The following NFIC variants were observed in gnomAD, a reference collection of about 807,000 sequenced individuals.
The protein encoded by NFIC is nuclear factor 1 C-type.
In NFIC, 12 loss-of-function variants were observed where a neutral mutation model predicts 54.4. That is an observed-to-expected ratio of 0.22 (90% confidence interval 0.14 to 0.36). NFIC has a LOEUF of 0.36. NFIC is among the 10% of genes least tolerant of loss of function. The pLI is 1.00. For missense variants in NFIC, 575 were observed against 718.2 expected, an observed-to-expected ratio of 0.80 and a Z score of 2.28; for synonymous variants, 322 against 319.2, an observed-to-expected ratio of 1.01 and a Z score of -0.09.
rs1005811721 is a variant in NFIC, at chr19:3,375,495, G to C, written c.31-6217G>C. On this transcript the variant is annotated intron_variant, in intron 1 of 10. Coordinates refer to ENST00000443272, the MANE Select transcript of NFIC (RefSeq NM_001245002.2). The surrounding 1 kb of genome is among the most constrained non-coding windows in gnomAD (Gnocchi z 4.6). ...CTGGGTCTCATCCAGTCAGGGGCAG[G>C]GACGAGATTGGACAGGGCCTGGGCC... 1.2e-4 allele frequency among the ~76,000 whole-genome samples: 19 copies of C among 152,220 alleles called. No individual in the cohort carries two copies. Among genetic ancestry groups the C allele is most frequent in the African/African-American group, 4.3e-4 (18 of 41,460 alleles).
intron 2 of NFIC, among the ~76,000 whole-genome samples, chr19:3,390,017 A>G (rs1280406445): frequency 1.3e-5 from 2 of 152,148 alleles, no homozygotes; most frequent in Non-Finnish European, 2.9e-5. Flanking sequence ...AAGAATGCTC[A>G]TTTCCTCCCT....
rs1309733384 is a variant in NFIC, at chr19:3,463,170, G to C, written c.*401G>C. On this transcript the variant is annotated 3_prime_UTR_variant, in exon 11 of 11. Transcript: ENST00000443272. ...GGACAGACGCCGGCCGCCCGCCCGC[G>C]CCCCGGAGGCCCTGGCTCTGTCCGG... 1 of 1,072,288 alleles carries C rather than the reference G, an allele frequency of 9.3e-7. No individual in the cohort carries two copies. Among genetic ancestry groups the C allele is most frequent in the African/African-American group, 1.7e-5 (1 of 58,364 alleles). The allele number at this position is 1,072,288 out of a possible 1,614,324, so 66.4% of individuals were successfully genotyped here.
chr19:3,390,356 G>A (rs560374954), intron 2 of NFIC, among the ~76,000 whole-genome samples: 5 of 152,326 alleles, frequency 3.3e-5, no homozygotes, highest in East Asian at 1.9e-4. Context: ...CGGGGCATAC[G>A]TCAGTGGTAA....
chr19:3,381,165 A>AGGCG (rs2081200060), intron 1 of NFIC, among the ~76,000 whole-genome samples: 1 of 152,060 alleles, frequency 6.6e-6, no homozygotes, highest in Admixed American at 6.6e-5. Flanking sequence ...CCGAGAGCCG[A>AGGCG]GGCGGGCGGA....
intron 2 of NFIC, among the ~76,000 whole-genome samples, chr19:3,421,904 A>G (rs1023125844): frequency 6.6e-6 from 1 of 152,026 alleles, no homozygotes; most frequent in Admixed American, 6.6e-5. Flanking sequence ...AGCTGGGACT[A>G]CAGGTGCCTG....
chr19:3,417,843 T>TTAG (rs2081890438), intron 2 of NFIC, among the ~76,000 whole-genome samples: 1 of 149,932 alleles, frequency 6.7e-6, no homozygotes, highest in Non-Finnish European at 1.5e-5. Flanking sequence ...TTTCACCATG[T>TTAG]TAGCCAGGAT....
chr19:3,371,986 TCCCTCTCTCTCC>T (rs2081025467), intron 1 of NFIC, among the ~76,000 whole-genome samples: 36 of 70,702 alleles, frequency 5.1e-4, no homozygotes, highest in South Asian at 3.1e-3. Flanking sequence ...TCTCTCTCTC[TCCCTCTCTCTCC>T]CTCTCTCTCT....
chr19:3,377,199 T>G (rs1378040555), intron 1 of NFIC, among the ~76,000 whole-genome samples: 2 of 151,222 alleles, frequency 1.3e-5, no homozygotes, highest in Non-Finnish European at 3.0e-5. Context: ...TTGGGCATGG[T>G]GGCGGGTGCC....
Position 3,459,104 on chromosome 19 carries a change from C to T in NFIC, c.1509+2469C>T, listed in dbSNP as rs1020760298. 1.3e-5 allele frequency among the ~76,000 whole-genome samples: 2 copies of T among 152,152 alleles called. No homozygotes were observed. The highest frequency in any genetic ancestry group is 2.9e-5 in the Non-Finnish European group (2 of 68,006). ...CCTGAGCTTGGAGGCCTCTCATTTC[C>T]GATTCTGGCCAGTCAGCACTTCTGC... On this transcript the variant is annotated intron_variant, in intron 10 of 10. Coordinates refer to ENST00000443272, the MANE Select transcript of NFIC (RefSeq NM_001245002.2). The surrounding 1 kb of genome is among the most constrained non-coding windows in gnomAD (Gnocchi z 4.2).
chr19:3,432,623 G>A (rs950071948), intron 3 of NFIC, among the ~76,000 whole-genome samples: 1 of 151,912 alleles, frequency 6.6e-6, no homozygotes, highest in African/African-American at 2.4e-5. Context: ...ATCACACACC[G>A]AGGCAGGTGA....
chr19:3,428,171 CAAA>C (rs71164700), intron 3 of NFIC, among the ~76,000 whole-genome samples: 3 of 122,140 alleles, frequency 2.5e-5, no homozygotes, highest in Non-Finnish European at 1.7e-5. Flanking sequence ...AACTCCGTCT[CAAA>C]AAAAAAAAAA....
intron 2 of NFIC, among the ~76,000 whole-genome samples, chr19:3,402,878 G>A (rs535761739): frequency 6.6e-6 from 1 of 152,292 alleles, no homozygotes; most frequent in Admixed American, 6.5e-5. Flanking sequence ...GAGTGAGTGA[G>A]GGGGAGAGAG....
chr19:3,435,230 AGCCGGCCTTC>A, intron 6 of NFIC, 23 bp downstream of exon 6: 3 of 1,551,284 alleles, frequency 1.9e-6, no homozygotes, highest in Non-Finnish European at 2.6e-6. Context: ...GCGGGGGCGG[AGCCGGCCTTC>A]CGGTCTGAGT....
intron 10 of NFIC, among the ~76,000 whole-genome samples, chr19:3,461,543 C>T (rs990472747): frequency 8.7e-5 from 13 of 149,386 alleles, no homozygotes; most frequent in Non-Finnish European, 1.8e-4. Context: ...GCCAACATGG[C>T]GAAACCCGGT....
At chr19:3,445,610 G>A (rs1359980940) in intron 6 of NFIC, among the ~76,000 whole-genome samples, 1 of 152,216 alleles carries the variant, frequency 6.6e-6, no homozygotes, top group Non-Finnish European at 1.5e-5. Flanking sequence ...GGTGTGTGCA[G>A]GGCCATGGGG....
intron 1 of NFIC, among the ~76,000 whole-genome samples, chr19:3,361,193 G>C (rs1236707820): frequency 2.0e-4 from 30 of 152,322 alleles, no homozygotes; most frequent in Non-Finnish European, 1.5e-5. Context: ...TCGGCACGCA[G>C]ACGTCGCTCG....
chr19:3,376,792 G>A lies in NFIC; in HGVS notation c.31-4920G>A, dbSNP rs542843068. Among the ~76,000 whole-genome samples, 78 of 152,104 alleles carry A rather than the reference G, an allele frequency of 5.1e-4. No individual in the cohort carries two copies. The East Asian group carries it at 0.012, about 24-fold the overall frequency. On this transcript the variant is annotated intron_variant, in intron 1 of 10. Transcript: ENST00000443272. Reference sequence around the variant, plus strand: ...TGCCCAGGCTGGAGTGCAATGGCGCGACCTTGGCTCACTGCAACCTCTGCC... The same window carrying A: ...TGCCCAGGCTGGAGTGCAATGGCGCAACCTTGGCTCACTGCAACCTCTGCC...
At chr19:3,398,317 G>T (rs893429339) in intron 2 of NFIC, among the ~76,000 whole-genome samples, 1 of 152,122 alleles carries the variant, frequency 6.6e-6, no homozygotes, top group Non-Finnish European at 1.5e-5. Flanking sequence ...CTCCACTGGC[G>T]CACTTATTGA....
Position 3,452,391 on chromosome 19 carries a change from A to G in NFIC, c.1085-91A>G. 1 of 1,501,682 alleles carries G rather than the reference A, an allele frequency of 6.7e-7. No homozygotes were observed. Among genetic ancestry groups the G allele is most frequent in the South Asian group, 1.2e-5 (1 of 85,310 alleles). The allele number at this position is 1,501,682 out of a possible 1,614,324, so 93.0% of individuals were successfully genotyped here. ...TTACTAAACGCACTGAGATGCCGGCAGGAATGACACCCACAGACACACAGT... is the reference window on the plus strand; with the variant it reads ...TTACTAAACGCACTGAGATGCCGGCGGGAATGACACCCACAGACACACAGT... On this transcript the variant is annotated intron_variant, in intron 7 of 10. Coordinates refer to ENST00000443272, the MANE Select transcript of NFIC (RefSeq NM_001245002.2). The surrounding 1 kb of genome is among the most constrained non-coding windows in gnomAD (Gnocchi z 5.3).
Sources: allele counts gnomAD v4.1 joint callset (sites outside exome capture counted in the v4.1 genomes callset), GRCh38; gene constraint gnomAD v4.1.1; non-coding constraint Gnocchi (gnomAD v3.1); transcripts MANE v1.5; gene names NCBI Gene and HGNC (gene_info 2026-07-23, HGNC 2026-07-21).